Variants in HIVEP3 observed in about 807,000 individuals in gnomAD.
HIVEP3 encodes transcription factor HIVEP3.
In HIVEP3, 49 loss-of-function variants were observed where a neutral mutation model predicts 152.8. The ratio of observed to expected loss-of-function variants is 0.32; its 90% CI spans 0.26 to 0.41. The LOEUF (loss-of-function observed/expected upper bound fraction) is 0.41, where lower values mean the gene tolerates loss of function less well. Among genes scored for constraint, HIVEP3 ranks in the 10% least tolerant of loss-of-function variants. The pLI, the probability that HIVEP3 is intolerant of heterozygous loss-of-function variation, is 1.00. For missense variants in HIVEP3, 2,790 were observed against 3,103.3 expected, an observed-to-expected ratio of 0.90 and a Z score of 2.40; for synonymous variants, 1,269 against 1,289.0, an observed-to-expected ratio of 0.98 and a Z score of 0.33.
intron 1 of HIVEP3, among the ~76,000 whole-genome samples, chr1:41,978,502 A>G (rs565870819): frequency 1.3e-5 from 2 of 152,292 alleles, no homozygotes; most frequent in Middle Eastern, 3.4e-3. Flanking sequence ...CTGCAAGCCA[A>G]AGAGAGCAGC....
intron 1 of HIVEP3, among the ~76,000 whole-genome samples, chr1:41,866,748 G>A (rs1001006049): frequency 6.6e-6 from 1 of 152,166 alleles, no homozygotes; most frequent in Non-Finnish European, 1.5e-5. Flanking sequence ...AGGAGCATGA[G>A]CCTAGTCTTT....
At chr1:41,811,411 T>C (rs1027116619) in intron 1 of HIVEP3, among the ~76,000 whole-genome samples, 2 of 151,884 alleles carry the variant, frequency 1.3e-5, no homozygotes, top group African/African-American at 4.8e-5. Context: ...TGGGTTTTAC[T>C]GGCTACCTCA....
At chr1:41,902,872 T>C (rs1037010618) in intron 1 of HIVEP3, among the ~76,000 whole-genome samples, 4 of 152,212 alleles carry the variant, frequency 2.6e-5, no homozygotes, top group African/African-American at 9.6e-5. Context: ...ATCGAGGCTC[T>C]TACAGTGCAG....
upstream of HIVEP3, among the ~76,000 whole-genome samples, chr1:41,923,634 A>G (rs1644952500): frequency 6.6e-6 from 1 of 152,208 alleles, no homozygotes; most frequent in Non-Finnish European, 1.5e-5. Flanking sequence ...AATAGCTAAA[A>G]GAGAAGATTT....
In HIVEP3 at chr1:41,511,059, C is replaced by T; in HGVS notation, c.6613G>A (p.Ala2205Thr). The T allele has an allele frequency of 1.2e-6, 2 of 1,614,056 alleles. No homozygotes were observed. The highest frequency in any genetic ancestry group is 2.2e-5 in the South Asian group (2 of 91,078). Residue 2205 changes from alanine to threonine, a missense_variant, in exon 9 of 9, where the codon GCC becomes ACC. Around this residue, in one of 9 missense-constraint regions of HIVEP3, gnomAD observed 816 missense variants for 806.5 expected, o/e 1.01. Coordinates refer to ENST00000372583, the MANE Select transcript of HIVEP3 (RefSeq NM_024503.5). This position sits in a 1 kb window ranked among gnomAD's most constrained non-coding sequence, Gnocchi z 4.9. ...IPIGGIQMVQARPGAHPTLLP... is the reference protein window; with the variant it reads ...IPIGGIQMVQTRPGAHPTLLP... ...AGGGTGGGGTGGGCTCCTGGCCGGG[C>T]CTGCACCATCTGGATCCCACCGATG...
chr1:41,906,027 T>C (rs1417124349), intron 1 of HIVEP3, among the ~76,000 whole-genome samples: 1 of 152,094 alleles, frequency 6.6e-6, no homozygotes, highest in African/African-American at 2.4e-5. Flanking sequence ...AAATCTGTGG[T>C]GGCCAGGCGC....
intron 1 of HIVEP3, among the ~76,000 whole-genome samples, chr1:41,702,189 TCAC>T (rs1265929300): frequency 6.6e-6 from 1 of 152,108 alleles, no homozygotes; most frequent in East Asian, 1.9e-4. Context: ...ATTATCATCA[TCAC>T]CATCATCCCC....
chr1:41,745,387 G>T (rs1038379941), intron 1 of HIVEP3, among the ~76,000 whole-genome samples: 1 of 152,182 alleles, frequency 6.6e-6, no homozygotes, highest in Non-Finnish European at 1.5e-5. Context: ...CTGTTTGATC[G>T]TTAAAAGCCA....
rs568489758 is a variant in HIVEP3, at chr1:41,832,182, T to C, written c.-801+86231A>G. ...CAGAAGAAGGAACTCCTGCTAAAAG[T>C]CAGAAACTAGCCTCTGGTCCAGCCC... is the stretch of plus-strand genomic sequence containing the variant. On this transcript the variant is annotated intron_variant, in intron 1 of 8. Coordinates refer to ENST00000372583, the MANE Select transcript of HIVEP3 (RefSeq NM_024503.5). 4.6e-5 allele frequency among the ~76,000 whole-genome samples: 7 copies of C among 152,282 alleles called. No individual in the cohort carries two copies. In the East Asian group the frequency reaches 9.7e-4, roughly 21 times the overall value.
chr1:41,809,187 TG>T (rs1191986073), intron 1 of HIVEP3, among the ~76,000 whole-genome samples: 1 of 152,222 alleles, frequency 6.6e-6, no homozygotes, highest in Non-Finnish European at 1.5e-5. Context: ...TCCCTTCTCC[TG>T]GCCTATCCAT....
intron 1 of HIVEP3, among the ~76,000 whole-genome samples, chr1:41,789,195 A>T (rs1278629408): frequency 1.3e-5 from 2 of 152,198 alleles, no homozygotes; most frequent in Non-Finnish European, 2.9e-5. Context: ...GGCACCTCAG[A>T]TGGAGCCAAA....
intron 2 of HIVEP3, among the ~76,000 whole-genome samples, chr1:41,633,273 A>G (rs2149152110): frequency 6.6e-6 from 1 of 152,332 alleles, no homozygotes; most frequent in South Asian, 2.1e-4. Flanking sequence ...TCAGCTGGCC[A>G]GAAAGTCCGA....
chr1:41,836,132 G>A (rs756634215), intron 1 of HIVEP3, among the ~76,000 whole-genome samples: 3 of 152,180 alleles, frequency 2.0e-5, no homozygotes, highest in Non-Finnish European at 4.4e-5. Context: ...CCATGACTAG[G>A]CCAAGAATAT....
chr1:41,681,940 C>T (rs1646046227), intron 2 of HIVEP3, among the ~76,000 whole-genome samples: 2 of 152,316 alleles, frequency 1.3e-5, no homozygotes, highest in South Asian at 4.1e-4. Context: ...CAGGCACATC[C>T]CTCCTTCCTC....
rs1309454078 is a variant in HIVEP3, at chr1:41,939,122, G to T, written n.120-20598C>A. Among the ~76,000 whole-genome samples the T allele has an allele frequency of 2.0e-5, 3 of 152,048 alleles. No individual in the cohort carries two copies. The East Asian group carries it at 5.8e-4, about 29-fold the overall frequency. On this transcript the variant is annotated intron_variant and non_coding_transcript_variant, in intron 1 of 3. Transcript: ENST00000489103. ...CTCTAATTATTTCTCTGGAGATAAG[G>T]CCTCTCTTTAAATGAGAATGGCTCT... is the stretch of plus-strand genomic sequence containing the variant.
chr1:41,898,292 G>A (rs111561806), intron 1 of HIVEP3, among the ~76,000 whole-genome samples: 5,323 of 152,232 alleles, frequency 0.035, 292 homozygotes, highest in African/African-American at 0.12. Context: ...AAGCCAACAG[G>A]GCGGAAGGGA....
At chr1:41,784,288 A>G (rs1649220161) in intron 1 of HIVEP3, among the ~76,000 whole-genome samples, 1 of 152,296 alleles carries the variant, frequency 6.6e-6, no homozygotes, top group South Asian at 2.1e-4. Context: ...GAAAAAATAA[A>G]GAATGTAAAA....
chr1:41,745,198 C>T (rs1467799739), intron 1 of HIVEP3, among the ~76,000 whole-genome samples: 2 of 152,314 alleles, frequency 1.3e-5, no homozygotes, highest in East Asian at 3.9e-4. Context: ...TTTCTCTAAC[C>T]TAAGTCTGCC....
chr1:41,544,423 C>T (rs986823089), intron 5 of HIVEP3: 2 of 151,944 alleles, frequency 1.3e-5, no homozygotes, highest in Non-Finnish European at 2.9e-5. Context: ...CCAATCCCCC[C>T]TCTTTGAATT....
Sources: gnomAD v4.1 joint callset for allele counts (sites outside exome capture counted in the v4.1 genomes callset) on GRCh38, gnomAD v4.1.1 for gene constraint, gnomAD v4.1.1 regional missense constraint, Gnocchi (gnomAD v3.1) non-coding constraint, MANE v1.5 for transcripts, NCBI Gene and HGNC (gene_info 2026-07-23, HGNC 2026-07-21) for gene names.